The following TCF4 variants were observed in gnomAD, a reference collection of about 807,000 sequenced individuals.
TCF4 encodes the protein transcription factor 4.
TCF4 carries 3 observed loss-of-function variants against 82.1 expected under a neutral mutation model. The ratio of observed to expected loss-of-function variants is 0.04; its 90% CI spans 0.02 to 0.09. TCF4 has a LOEUF of 0.09. Among genes scored for constraint, TCF4 ranks in the 10% least tolerant of loss-of-function variants. TCF4 has a pLI of 1.00. For missense variants in TCF4, 518 were observed against 852.7 expected, an observed-to-expected ratio of 0.61 and a Z score of 4.89; for synonymous variants, 276 against 309.6, an observed-to-expected ratio of 0.89 and a Z score of 1.14.
intron 8 of TCF4, among the ~76,000 whole-genome samples, chr18:55,317,918 T>C (rs1041679529): frequency 3.3e-5 from 5 of 152,082 alleles, no homozygotes; most frequent in African/African-American, 1.2e-4. Context: ...AATATAAACA[T>C]AAAAAGCTCA....
chr18:55,479,163 AACC>A (rs2096367449), intron 3 of TCF4: 1 of 152,372 alleles, frequency 6.6e-6, no homozygotes, highest in Non-Finnish European at 1.5e-5. Context: ...TAGTGTCCCA[AACC>A]ACTCTGAAAT....
At chr18:55,405,601 C>T (rs2958171) in intron 5 of TCF4, among the ~76,000 whole-genome samples, 75,979 of 152,000 alleles carry the variant, frequency 0.5, 21,100 homozygotes, top group African/African-American at 0.77. Flanking sequence ...AGGGAGGAAT[C>T]TTTCTGCCAG....
At chr18:55,365,973 TATAGATATAGATATAGATATAGATATAG>T (rs969635833) in intron 6 of TCF4, among the ~76,000 whole-genome samples, 1,085 of 14,252 alleles carry the variant, frequency 0.076, 16 homozygotes, top group African/African-American at 0.36. Flanking sequence ...TGTTTATAGA[TATAGATATAGATATAGATATAGATATAG>T]ATATAGATAT....
chr18:55,550,762 T>TA (rs948027636), intron 3 of TCF4: 16 of 152,206 alleles, frequency 1.1e-4, no homozygotes, highest in East Asian at 3.9e-4. Flanking sequence ...TTGATGGTGA[T>TA]AAAAAAGGGT....
At chr18:55,612,941 C>CT (rs1021435849) in intron 2 of TCF4, among the ~76,000 whole-genome samples, 49 of 152,244 alleles carry the variant, frequency 3.2e-4, no homozygotes, top group African/African-American at 1.1e-3. Context: ...GAGCAAGACT[C>CT]TGTCTCAAAA....
intron 6 of TCF4, among the ~76,000 whole-genome samples, chr18:55,355,540 T>C (rs751000973): frequency 8.5e-5 from 13 of 152,160 alleles, no homozygotes; most frequent in Admixed American, 2.0e-4. Flanking sequence ...AGAATATATC[T>C]CGCACCAAAG....
chr18:55,510,354 G>C (rs1231922458), intron 3 of TCF4, among the ~76,000 whole-genome samples: 2 of 152,082 alleles, frequency 1.3e-5, no homozygotes, highest in African/African-American at 4.8e-5. Flanking sequence ...GCTTAAAAAA[G>C]CAGAAATGTT....
At chr18:55,365,327 T>G (rs565482290) in intron 6 of TCF4, among the ~76,000 whole-genome samples, 1 of 149,628 alleles carries the variant, frequency 6.7e-6, no homozygotes, top group African/African-American at 2.5e-5. Context: ...ATTCTCCTAT[T>G]GCTGGGTCCC....
At chr18:55,302,282 G>A in intron 8 of TCF4, 1 of 767,548 alleles carries the variant, frequency 1.3e-6, no homozygotes, top group Non-Finnish European at 2.1e-6. Flanking sequence ...TGAAAGTTCT[G>A]GTGAATGCCA....
At chr18:55,586,117 G>T in intron 2 of TCF4, 1 of 1,380,204 alleles carries the variant, frequency 7.2e-7, no homozygotes. Flanking sequence ...AGGTCTAGAA[G>T]AGGAGGAGGA....
At chr18:55,366,293 A>T (rs2087103612) in intron 6 of TCF4, among the ~76,000 whole-genome samples, 1 of 152,212 alleles carries the variant, frequency 6.6e-6, no homozygotes, top group Admixed American at 6.5e-5. Context: ...ACCTGAACTA[A>T]TGTGAGAATA....
At chr18:55,356,499 G>T (rs756000385) in intron 6 of TCF4, among the ~76,000 whole-genome samples, 1 of 152,070 alleles carries the variant, frequency 6.6e-6, no homozygotes, top group Non-Finnish European at 1.5e-5. Flanking sequence ...GCTTTTGCAC[G>T]CATGAGCAAA....
intron 10 of TCF4, among the ~76,000 whole-genome samples, chr18:55,272,418 T>C (rs1220894993): frequency 6.6e-6 from 1 of 152,052 alleles, no homozygotes; most frequent in Non-Finnish European, 1.5e-5. Flanking sequence ...GCTATTACTG[T>C]CTTTCCTGCT....
At chr18:55,559,230 T>C (rs1875791813) in intron 3 of TCF4, among the ~76,000 whole-genome samples, 2 of 151,804 alleles carry the variant, frequency 1.3e-5, no homozygotes. Context: ...TTGGCCTTAA[T>C]GACCCATAAT....
intron 11 of TCF4, chr18:55,264,851 A>G (rs915427632): frequency 6.6e-6 from 1 of 152,168 alleles, no homozygotes; most frequent in South Asian, 2.1e-4. Context: ...CCCTAAGTAG[A>G]GCTGTAACAT....
chr18:55,350,463 A>G (rs2082104263), intron 7 of TCF4, 55 bp from the exon 8 acceptor site: 4 of 1,590,284 alleles, frequency 2.5e-6, no homozygotes, highest in Non-Finnish European at 3.4e-6. Flanking sequence ...CCTAACTAAG[A>G]TAGGTTAAAC....
chr18:55,355,553 C>A (rs909645193), intron 6 of TCF4, among the ~76,000 whole-genome samples: 3 of 152,140 alleles, frequency 2.0e-5, no homozygotes, highest in African/African-American at 7.2e-5. Context: ...CACCAAAGGG[C>A]AATGAAGAAC....
chr18:55,584,829 T>C (rs957892216), intron 3 of TCF4, among the ~76,000 whole-genome samples: 3 of 152,182 alleles, frequency 2.0e-5, no homozygotes, highest in Admixed American at 6.5e-5. Context: ...CTACATAGCA[T>C]TCATTTGCAG....
intron 5 of TCF4, among the ~76,000 whole-genome samples, chr18:55,449,822 A>G (rs949706091): frequency 2.6e-5 from 4 of 151,934 alleles, no homozygotes; most frequent in Non-Finnish European, 4.4e-5. Context: ...GATATTACAC[A>G]CTTTCTATTT....
Sources: gnomAD v4.1 joint callset for allele counts (sites outside exome capture counted in the v4.1 genomes callset) on GRCh38, gnomAD v4.1.1 for gene constraint, MANE v1.5 for transcripts, NCBI Gene and HGNC (gene_info 2026-07-23, HGNC 2026-07-21) for gene names.